The following MIPOL1 variants were observed in gnomAD, a reference collection of about 807,000 sequenced individuals.
The protein encoded by MIPOL1 is mirror-image polydactyly 1, also known as mirror-image polydactyly gene 1 protein.
A neutral mutation model predicts 60.9 loss-of-function variants in MIPOL1; 57 were observed. The observed-to-expected ratio is 0.94, with a 90% CI of 0.76 to 1.17. The LOEUF (loss-of-function observed/expected upper bound fraction) is 1.17, where lower values mean the gene tolerates loss of function less well. MIPOL1 is among the 50% of genes most tolerant of loss of function. The pLI is 0.00. For synonymous variants in MIPOL1, 179 were observed against 168.8 expected, an observed-to-expected ratio of 1.06 and a Z score of -0.47; for missense variants, 551 against 511.6, an observed-to-expected ratio of 1.08 and a Z score of -0.74.
intron 11 of MIPOL1, among the ~76,000 whole-genome samples, chr14:37,458,527 A>G (rs957311896): frequency 3.9e-5 from 6 of 152,106 alleles, no homozygotes; most frequent in Non-Finnish European, 8.8e-5. Context: ...AACTATCAAA[A>G]CTATGTAAAT....
chr14:37,341,233 A>G (rs929337111), intron 9 of MIPOL1, among the ~76,000 whole-genome samples: 2 of 152,252 alleles, frequency 1.3e-5, no homozygotes, highest in Non-Finnish European at 2.9e-5. Flanking sequence ...GAAAAATGGC[A>G]TCAATGGATT....
chr14:37,371,164 G>A (rs2092627447), intron 10 of MIPOL1, among the ~76,000 whole-genome samples: 1 of 150,654 alleles, frequency 6.6e-6, no homozygotes, highest in African/African-American at 2.4e-5. Flanking sequence ...CCATTGCCCA[G>A]ACTGGAGTGC....
intron 6 of MIPOL1, among the ~76,000 whole-genome samples, chr14:37,273,201 A>G (rs2083420852): frequency 6.6e-6 from 1 of 151,084 alleles, no homozygotes; most frequent in African/African-American, 2.4e-5. Flanking sequence ...CTATAGTATG[A>G]TTTTATAAAA....
At position 37,285,317 on chromosome 14, in the gene MIPOL1, G is replaced by T; in HGVS notation, c.494-1G>T. 1 of 1,613,860 alleles carries T rather than the reference G, an allele frequency of 6.2e-7. No individual in the cohort carries two copies. Among genetic ancestry groups the T allele is most frequent in the Non-Finnish European group, 8.5e-7 (1 of 1,179,916 alleles). On this transcript the variant is annotated splice_acceptor_variant, in intron 6 of 12. Transcript: ENST00000684589. LOFTEE classifies it high-confidence loss of function. ...ATTGTGCGCTTTATATATTTTGGTA[G>T]CTCTGGTTGAAGAAGTGTATTTTGC... is the stretch of plus-strand genomic sequence containing the variant.
downstream of MIPOL1, chr14:37,551,267 T>G (rs1198055623): frequency 6.6e-6 from 1 of 152,096 alleles, no homozygotes; most frequent in Non-Finnish European, 1.5e-5. Flanking sequence ...CTATACATAT[T>G]TCAATGCAAT....
chr14:37,290,674 T>TCTTC (rs1293140519), intron 7 of MIPOL1, among the ~76,000 whole-genome samples: 1 of 152,196 alleles, frequency 6.6e-6, no homozygotes, highest in East Asian at 1.9e-4. Context: ...ATTATTTGAT[T>TCTTC]CTTCCTTTAT....
chr14:37,241,351 A>G (rs567544821), intron 1 of MIPOL1, among the ~76,000 whole-genome samples: 91 of 152,272 alleles, frequency 6.0e-4, no homozygotes, highest in Non-Finnish European at 1.0e-3. Context: ...AATCTCATCC[A>G]GAAACAACCT....
intron 10 of MIPOL1, among the ~76,000 whole-genome samples, chr14:37,396,332 C>G (rs896577691): frequency 1.3e-5 from 2 of 152,162 alleles, no homozygotes; most frequent in Non-Finnish European, 1.5e-5. Context: ...AGGGTTTCAG[C>G]TGAGAAATCT....
intron 9 of MIPOL1, among the ~76,000 whole-genome samples, chr14:37,341,966 C>T (rs2090604944): frequency 6.6e-6 from 1 of 152,084 alleles, no homozygotes; most frequent in Admixed American, 6.6e-5. Context: ...TAATATCTAA[C>T]TCATAAGGCA....
At chr14:37,537,928 T>A (rs1422730428) in intron 12 of MIPOL1, among the ~76,000 whole-genome samples, 1 of 152,212 alleles carries the variant, frequency 6.6e-6, no homozygotes, top group Non-Finnish European at 1.5e-5. Flanking sequence ...TGCTTCTGTG[T>A]CACAGATCAT....
At chr14:37,501,288 T>A (rs758071247) in intron 12 of MIPOL1, among the ~76,000 whole-genome samples, 7 of 152,238 alleles carry the variant, frequency 4.6e-5, no homozygotes, top group Non-Finnish European at 1.0e-4. Flanking sequence ...AACACTATGA[T>A]GTATAGGTAG....
intron 12 of MIPOL1, among the ~76,000 whole-genome samples, chr14:37,539,080 T>C (rs1051621170): frequency 6.6e-6 from 1 of 152,030 alleles, no homozygotes; most frequent in African/African-American, 2.4e-5. Flanking sequence ...TGGGCGCCTG[T>C]AGTCCCAGCT....
chr14:37,465,371 G>A lies in MIPOL1; in HGVS notation c.1032-34537G>A, dbSNP rs543293549. Among the ~76,000 whole-genome samples, 3 of 152,192 alleles carry A rather than the reference G, an allele frequency of 2.0e-5. No individual in the cohort carries two copies. The East Asian group carries it at 5.8e-4, about 29-fold the overall frequency. ...AAACTAACTTAATATGTCACTAATA[G>A]TAGGAAACTATTTCTCTTCCATACA... is the stretch of plus-strand genomic sequence containing the variant. On this transcript the variant is annotated intron_variant, in intron 11 of 12. Coordinates refer to ENST00000684589, the MANE Select transcript of MIPOL1 (RefSeq NM_001388067.1).
In MIPOL1 at chr14:37,230,088, CAT is replaced by C. The variant is rs1380251080; in HGVS notation, c.-198-17014_-198-17013del. On this transcript the variant is annotated intron_variant, in intron 1 of 12. Transcript: ENST00000684589. ...TTTTGTGTTTTCACCACAAAAAAGA[CAT>C]GTGAGATAATGCATATGTTAATTAG... Among the ~76,000 whole-genome samples, 6 of 152,070 alleles carry C rather than the reference CAT, an allele frequency of 3.9e-5. No homozygotes were observed. In the South Asian group the frequency reaches 6.2e-4, roughly 16 times the overall value.
At chr14:37,282,238 ATATTATTAT>A (rs71124802) in intron 6 of MIPOL1, among the ~76,000 whole-genome samples, 100,081 of 146,330 alleles carry the variant, frequency 0.68, 34,282 homozygotes, top group African/African-American at 0.72. Flanking sequence ...TATTGCAGTA[ATATTATTAT>A]TATTATTATT....
intron 7 of MIPOL1, among the ~76,000 whole-genome samples, chr14:37,305,313 A>G (rs897449259): frequency 2.0e-5 from 3 of 151,860 alleles, no homozygotes; most frequent in Non-Finnish European, 4.4e-5. Flanking sequence ...CATTAACATC[A>G]AAGATCTAGT....
At chr14:37,294,399 C>T (rs987181189) in intron 7 of MIPOL1, among the ~76,000 whole-genome samples, 4 of 152,064 alleles carry the variant, frequency 2.6e-5, no homozygotes, top group Admixed American at 6.6e-5. Context: ...AAAATCAGAG[C>T]GCCTCTCCTC....
At chr14:37,524,076 T>A (rs1452391659) in intron 12 of MIPOL1, among the ~76,000 whole-genome samples, 1 of 152,212 alleles carries the variant, frequency 6.6e-6, no homozygotes, top group East Asian at 1.9e-4. Context: ...CATTTAACTT[T>A]CGTTGTGGTT....
chr14:37,326,773 A>G (rs2089201805), intron 9 of MIPOL1, among the ~76,000 whole-genome samples: 1 of 152,224 alleles, frequency 6.6e-6, no homozygotes, highest in Admixed American at 6.5e-5. Context: ...ACTGGTATCC[A>G]CAAAATGGAT....
Sources: allele counts gnomAD v4.1 joint callset (sites outside exome capture counted in the v4.1 genomes callset), GRCh38; gene constraint gnomAD v4.1.1; transcripts MANE v1.5; gene names NCBI Gene and HGNC (gene_info 2026-07-23, HGNC 2026-07-21).